EPC1: variants seen among roughly 807,000 people sequenced by gnomAD.
The protein encoded by EPC1 is enhancer of polycomb homolog 1.
A neutral mutation model predicts 98.4 loss-of-function variants in EPC1; 12 were observed. That is an observed-to-expected ratio of 0.12 (90% CI 0.08 to 0.20). The LOEUF is 0.20. EPC1 is among the 10% of genes least tolerant of loss of function. EPC1 has a pLI of 1.00. For synonymous variants in EPC1, 357 were observed against 363.9 expected (o/e 0.98, Z 0.21); for missense variants, 729 against 990.5 (o/e 0.74, Z 3.54).
chr10:32,295,189 G>A (rs1036934864), intron 2 of EPC1, among the ~76,000 whole-genome samples: 2 of 151,978 alleles, frequency 1.3e-5, no homozygotes, highest in East Asian at 1.9e-4. Context: ...CTTCTGTACC[G>A]CTAAGTGGAG....
In EPC1 at chr10:32,358,125, G is replaced by A. The variant is rs530548119; in HGVS notation, c.3+20366C>T. Among the ~76,000 whole-genome samples the A allele has an allele frequency of 9.1e-4, 138 of 152,180 alleles. 1 individual carries two copies. The highest frequency in any genetic ancestry group is 3.3e-3 in the African/African-American group (135 of 41,518). On this transcript the variant is annotated intron_variant, in intron 1 of 13. Transcript: ENST00000375110. The stretch of plus-strand genomic sequence containing the variant: ...CCGCCTCAGCCTCCCAAAGTGGTGG[G>A]ATTACAGGCATGAGCCATCACGCCC...
intron 13 of EPC1, 58 bp from the exon 14 acceptor site, chr10:32,269,193 AC>A (rs1835716277): frequency 6.9e-7 from 1 of 1,443,056 alleles, no homozygotes; most frequent in African/African-American, 1.4e-5. Context: ...CAGCAAATGA[AC>A]ATTATCTTCC....
intron 1 of EPC1, among the ~76,000 whole-genome samples, chr10:32,340,785 G>GT (rs1200150669): frequency 6.6e-6 from 1 of 152,072 alleles, no homozygotes; most frequent in East Asian, 1.9e-4. Flanking sequence ...AGCTATGATC[G>GT]TGTCACTGCT....
intron 1 of EPC1, among the ~76,000 whole-genome samples, chr10:32,310,234 G>A (rs1213794582): frequency 6.6e-6 from 1 of 152,092 alleles, no homozygotes; most frequent in African/African-American, 2.4e-5. Flanking sequence ...TTGTAATCAA[G>A]AGTTCCCTGG....
At chr10:32,348,582 A>G (rs1839005925), upstream of EPC1, among the ~76,000 whole-genome samples, 1 of 152,228 alleles carries the variant, frequency 6.6e-6, no homozygotes, top group African/African-American at 2.4e-5. Context: ...GTTCTCCAAA[A>G]TTATACTTAA....
intron 10 of EPC1, among the ~76,000 whole-genome samples, chr10:32,276,434 T>C (rs897390024): frequency 6.6e-6 from 1 of 152,092 alleles, no homozygotes; most frequent in South Asian, 2.1e-4. Context: ...ATCGCTCGAA[T>C]CCAGGAGGCA....
exon 1 of EPC1, chr10:32,378,574 A>G: frequency 9.7e-7 from 1 of 1,032,656 alleles, no homozygotes; most frequent in South Asian, 1.6e-5. Context: ...TAGAAACAAC[A>G]GCCTCCAGGC....
intron 1 of EPC1, among the ~76,000 whole-genome samples, chr10:32,341,535 T>C (rs1838354020): frequency 6.6e-6 from 1 of 152,198 alleles, no homozygotes; most frequent in Non-Finnish European, 1.5e-5. Context: ...GCAGTACTTT[T>C]AATTAAGTCC....
chr10:32,343,813 T>C (rs1838551294), intron 1 of EPC1, among the ~76,000 whole-genome samples: 1 of 152,170 alleles, frequency 6.6e-6, no homozygotes, highest in Non-Finnish European at 1.5e-5. Context: ...GAATAATACT[T>C]ATTTTCCCAA....
Position 32,327,064 on chromosome 10 carries a change from C to CACACACACAT in EPC1, c.153+19698_153+19699insATGTGTGTGT, listed in dbSNP as rs1182826678. Among the ~76,000 whole-genome samples the CACACACACAT allele has an allele frequency of 1.9e-4, 27 of 141,926 alleles. No individual in the cohort carries two copies. The East Asian group carries it at 5.3e-3, about 28-fold the overall frequency. 93.1% of individuals were successfully genotyped at this position (141,926 alleles called of 152,430 possible). A position where few individuals can be genotyped will look rare whatever the true frequency, so the allele number is the denominator to read the frequency against. On this transcript the variant is annotated intron_variant, in intron 1 of 13. Coordinates refer to ENST00000319778, the MANE Select transcript of EPC1 (RefSeq NM_001272004.3). ...TAGATGAATGAAGAAAATGTGGTGACACACACACACACACACACACACACA... is the reference window on the plus strand; with the variant it reads ...TAGATGAATGAAGAAAATGTGGTGACACACACACATACACACACACACACACACACACACA...
intron 1 of EPC1, among the ~76,000 whole-genome samples, chr10:32,329,206 C>T (rs1181784753): frequency 6.6e-6 from 1 of 152,330 alleles, no homozygotes; most frequent in East Asian, 1.9e-4. Context: ...AGCATCTTAA[C>T]AGCTGATGCA....
In EPC1 at chr10:32,291,173, T is replaced by C; in HGVS notation, c.965A>G (p.Lys322Arg). The change falls in exon 6 of 14, where the codon AAA becomes AGA. Residue 322 changes from lysine (K) to arginine (R), a missense_variant. Around this residue, in one of 6 missense-constraint regions of EPC1, gnomAD observed 390 missense variants for 438.6 expected, o/e 0.89. Transcript: ENST00000319778. ...AAAAACATTAATCACCTTATTAACT[T>C]TGAACTCCTTCACATCCATTGCTTC... Reference protein sequence around the residue: ...HQEAMDVKEFKVNKQDKADLI... With the variant: ...HQEAMDVKEFRVNKQDKADLI... The C allele has an allele frequency of 6.2e-7, 1 of 1,613,176 alleles. No homozygotes were observed. The highest frequency in any genetic ancestry group is 8.5e-7 in the Non-Finnish European group (1 of 1,179,170).
chr10:32,269,000 C>T lies in EPC1; in HGVS notation c.*63G>A, dbSNP rs561166332. On this transcript the variant is annotated 3_prime_UTR_variant, in exon 14 of 14. Transcript: ENST00000319778. ...GCTGCTTTCCATCATCCCTTGCATTCAAAATGCTACTGATGCATAGCACCT... is the reference window on the plus strand; with the variant it reads ...GCTGCTTTCCATCATCCCTTGCATTTAAAATGCTACTGATGCATAGCACCT... 1.2e-5 allele frequency: 17 copies of T among 1,402,802 alleles called. No individual in the cohort carries two copies. Among genetic ancestry groups the T allele is most frequent in the Non-Finnish European group, 1.7e-5 (17 of 997,686 alleles). 86.9% of individuals were successfully genotyped at this position (1,402,802 alleles called of 1,614,324 possible). A position where few individuals can be genotyped will look rare whatever the true frequency, so the allele number is the denominator to read the frequency against.
intron 1 of EPC1, among the ~76,000 whole-genome samples, chr10:32,342,485 T>C (rs1838426637): frequency 6.6e-6 from 1 of 152,228 alleles, no homozygotes; most frequent in Admixed American, 6.5e-5. Flanking sequence ...GTTCTTAACT[T>C]GGGCTTAGTA....
At position 32,284,683 on chromosome 10, in the gene EPC1, T is replaced by C; in HGVS notation, c.1744+15A>G. 6.3e-7 allele frequency: 1 copy of C among 1,584,478 alleles called. No homozygotes were observed. On this transcript the variant is annotated intron_variant, in intron 10 of 13. Coordinates refer to ENST00000319778, the MANE Select transcript of EPC1 (RefSeq NM_001272004.3). ...ACATTTCTATAGAAACGTACATCAT[T>C]AACAGTCAACATACCAAAGTGTGCT... is the stretch of plus-strand genomic sequence containing the variant.
chr10:32,346,645 G>A (rs1838842301), intron 1 of EPC1, 118 bp downstream of exon 1: 1 of 1,020,952 alleles, frequency 9.8e-7, no homozygotes. Context: ...CGGCGACTGA[G>A]AGTCGGCGGC....
At chr10:32,364,279 C>T (rs1286438502) in intron 1 of EPC1, among the ~76,000 whole-genome samples, 15 of 151,828 alleles carry the variant, frequency 9.9e-5, no homozygotes, top group Admixed American at 9.9e-4. Context: ...GGTGATCTGC[C>T]CGCCTCAGCC....
chr10:32,275,329 C>T (rs1313062162), intron 10 of EPC1, among the ~76,000 whole-genome samples: 1 of 152,210 alleles, frequency 6.6e-6, no homozygotes, highest in Non-Finnish European at 1.5e-5. Context: ...CTAATACAGA[C>T]TTGGAAATAA....
At chr10:32,322,860 G>A (rs1463269989) in intron 1 of EPC1, among the ~76,000 whole-genome samples, 2 of 152,068 alleles carry the variant, frequency 1.3e-5, no homozygotes, top group Non-Finnish European at 2.9e-5. Context: ...GATAAAGAAG[G>A]GATGATTAAC....
Sources: gnomAD v4.1 joint callset for allele counts (sites outside exome capture counted in the v4.1 genomes callset) on GRCh38, gnomAD v4.1.1 for gene constraint, gnomAD v4.1.1 regional missense constraint, MANE v1.5 for transcripts, NCBI Gene and HGNC (gene_info 2026-07-23, HGNC 2026-07-21) for gene names.